Variants in RPF2 observed in about 807,000 individuals in gnomAD.
The protein encoded by RPF2 is brix domain containing 1.
In RPF2, 21 loss-of-function variants were observed where a neutral mutation model predicts 38.9. That is an observed-to-expected ratio of 0.54 (90% CI 0.38 to 0.78). RPF2 has a LOEUF of 0.78. Ranked by LOEUF, RPF2 falls within the 30% of genes least tolerant of loss-of-function variation. The pLI is 0.00. For missense variants in RPF2, 314 were observed against 358.1 expected (o/e 0.88, Z 0.99); for synonymous variants, 121 against 126.2 (o/e 0.96, Z 0.28).
chr6:111,017,355 G>GC (rs1253026578), intron 8 of RPF2, among the ~76,000 whole-genome samples: 2 of 150,040 alleles, frequency 1.3e-5, no homozygotes, highest in Middle Eastern at 3.5e-3. Flanking sequence ...GGCGGGGGCT[G>GC]CCCCCCGCCT....
In RPF2 at chr6:111,008,076, A is replaced by G; in HGVS notation, c.432A>G (p.Ile144Met). The change falls in exon 7 of 10, where the codon ATA becomes ATG. Residue 144 changes from isoleucine to methionine, a missense_variant. Coordinates refer to ENST00000441448, the MANE Select transcript of RPF2 (RefSeq NM_032194.3). The stretch of plus-strand genomic sequence containing the variant: ...CTGAGGGAACAAAACCCATGCTGAT[A>G]TTTGCTGGCGATGATTTCGATGTAA... Reference protein sequence around the residue: ...KCPEGTKPMLIFAGDDFDVTE... With the variant: ...KCPEGTKPMLMFAGDDFDVTE... 1 of 1,590,946 alleles carries G rather than the reference A, an allele frequency of 6.3e-7. No individual in the cohort carries two copies. Among genetic ancestry groups the G allele is most frequent in the Non-Finnish European group, 8.5e-7 (1 of 1,171,694 alleles).
chr6:111,003,671 T>C (rs889849213), intron 6 of RPF2, among the ~76,000 whole-genome samples: 2 of 152,112 alleles, frequency 1.3e-5, no homozygotes, highest in Admixed American at 6.6e-5. Context: ...AATTTTTTTT[T>C]AAATTAGCCT....
rs1772351247 is a variant in RPF2 at position 111,027,363 on chromosome 6, A to G, written c.*1781A>G. On this transcript the variant is annotated 3_prime_UTR_variant, in exon 10 of 10. Coordinates refer to ENST00000441448, the MANE Select transcript of RPF2 (RefSeq NM_032194.3). ...TACCTGAATCAGACATTTGCACTTT[A>G]TATCTAAATGAGAAGAAGGGGCTCA... 1.3e-5 allele frequency: 2 copies of G among 152,202 alleles called. No individual in the cohort carries two copies. Among genetic ancestry groups the G allele is most frequent in the Admixed American group, 1.3e-4 (2 of 15,266 alleles). 9.4% of individuals were successfully genotyped at this position (152,202 alleles called of 1,614,324 possible).
In RPF2 at chr6:110,985,039, TGAGAA is replaced by T; in HGVS notation, c.62_66del (p.Lys21ArgfsTer6). On this transcript the variant is annotated frameshift_variant, in exon 2 of 10. Coordinates refer to ENST00000441448, the MANE Select transcript of RPF2 (RefSeq NM_032194.3). LOFTEE classifies it high-confidence loss of function. ...AAACGAAAAGAGCCAAGAGATTCCT[TGAGAA>T]GAGAGAACCGAAACTCAATGAAAAT... 6.2e-7 allele frequency: 1 copy of T among 1,612,474 alleles called. No individual in the cohort carries two copies. Among genetic ancestry groups the T allele is most frequent in the South Asian group, 1.1e-5 (1 of 91,002 alleles).
At chr6:110,986,913 A>G (rs1157289405) in intron 2 of RPF2, among the ~76,000 whole-genome samples, 1 of 151,054 alleles carries the variant, frequency 6.6e-6, no homozygotes, top group African/African-American at 2.4e-5. Context: ...AGACCACGCC[A>G]TTGCACTTAC....
At chr6:111,019,589 T>C (rs920197878) in intron 8 of RPF2, among the ~76,000 whole-genome samples, 4 of 151,846 alleles carry the variant, frequency 2.6e-5, no homozygotes, top group Non-Finnish European at 4.4e-5. Context: ...ATACAAAAAT[T>C]GGTCAGGCAT....
chr6:111,023,410 G>A lies in RPF2; in HGVS notation c.597-773G>A, dbSNP rs573923876. On this transcript the variant is annotated intron_variant, in intron 8 of 9. Transcript: ENST00000441448. The stretch of plus-strand genomic sequence containing the variant: ...GGTTGGTTTAACTCCTACAGTCTTA[G>A]ATAAGAACTTGTTAATCGTATAAAC... Among the ~76,000 whole-genome samples the A allele has an allele frequency of 1.2e-4, 18 of 152,286 alleles. No individual in the cohort carries two copies. The South Asian group carries it at 3.5e-3, about 30-fold the overall frequency.
At chr6:110,984,189 A>G (rs1445958587) in intron 1 of RPF2, among the ~76,000 whole-genome samples, 1 of 152,208 alleles carries the variant, frequency 6.6e-6, no homozygotes, top group Non-Finnish European at 1.5e-5. Flanking sequence ...GCAACAGTGT[A>G]TACTTCCTGG....
chr6:110,994,130 G>A (rs1771666287), intron 4 of RPF2, among the ~76,000 whole-genome samples: 1 of 152,090 alleles, frequency 6.6e-6, no homozygotes, highest in African/African-American at 2.4e-5. Flanking sequence ...TACAAAATTA[G>A]CCAGGCGTGG....
intron 3 of RPF2, among the ~76,000 whole-genome samples, chr6:110,990,989 C>A (rs1032476209): frequency 1.3e-5 from 2 of 152,174 alleles, no homozygotes; most frequent in African/African-American, 4.8e-5. Flanking sequence ...TTCCTTACCA[C>A]AGCCCTGGAA....
chr6:110,997,049 G>A (rs529252238), intron 4 of RPF2, 134 bp from the exon 5 acceptor site: 3 of 630,602 alleles, frequency 4.8e-6, no homozygotes, highest in Middle Eastern at 4.2e-4. Flanking sequence ...TAATCAACTC[G>A]CCTCGGCGTC....
chr6:110,991,505 G>C (rs1053854967), intron 3 of RPF2, among the ~76,000 whole-genome samples: 1 of 151,406 alleles, frequency 6.6e-6, no homozygotes, highest in Non-Finnish European at 1.5e-5. Flanking sequence ...CATATGTACA[G>C]AGGACTACTT....
At chr6:111,004,915 A>C (rs550784701) in intron 6 of RPF2, among the ~76,000 whole-genome samples, 1 of 152,196 alleles carries the variant, frequency 6.6e-6, no homozygotes, top group African/African-American at 2.4e-5. Flanking sequence ...TGATGTGTAT[A>C]CTGGGTGACA....
intron 5 of RPF2, among the ~76,000 whole-genome samples, chr6:110,997,860 G>A (rs866677639): frequency 2.0e-5 from 3 of 151,860 alleles, no homozygotes; most frequent in South Asian, 2.1e-4. Flanking sequence ...TATGCTTCAG[G>A]GGGGTTGGTG....
At chr6:111,016,469 T>C (rs1005178412) in intron 8 of RPF2, among the ~76,000 whole-genome samples, 4 of 152,072 alleles carry the variant, frequency 2.6e-5, no homozygotes, top group African/African-American at 9.7e-5. Context: ...TGGTGGCACA[T>C]GCCTGTAGTT....
At chr6:111,019,531 GT>G (rs1247091406) in intron 8 of RPF2, among the ~76,000 whole-genome samples, 7 of 152,110 alleles carry the variant, frequency 4.6e-5, no homozygotes, top group Non-Finnish European at 2.9e-5. Context: ...GAGGTCAGTA[GT>G]TCCAGACCAG....
intron 6 of RPF2, among the ~76,000 whole-genome samples, chr6:111,003,935 T>C (rs9400451): frequency 0.13 from 19,513 of 144,620 alleles, 1,734 homozygotes; most frequent in East Asian, 0.51. Flanking sequence ...GCCTCAGCCT[T>C]CCGAGTAGCT....
chr6:111,023,365 G>A (rs2114357444), intron 8 of RPF2, among the ~76,000 whole-genome samples: 1 of 152,266 alleles, frequency 6.6e-6, no homozygotes, highest in South Asian at 2.1e-4. Flanking sequence ...TGTGCTATGA[G>A]GAAAAGTTGA....
intron 6 of RPF2, among the ~76,000 whole-genome samples, chr6:111,001,677 G>A (rs1258582542): frequency 6.6e-6 from 1 of 152,082 alleles, no homozygotes; most frequent in Non-Finnish European, 1.5e-5. Context: ...TGTCTCTTTG[G>A]GACCATGCAC....
Sources: allele counts gnomAD v4.1 joint callset (sites outside exome capture counted in the v4.1 genomes callset), GRCh38; gene constraint gnomAD v4.1.1; transcripts MANE v1.5; gene names NCBI Gene and HGNC (gene_info 2026-07-23, HGNC 2026-07-21).